Variants in ARHGEF12 observed in about 807,000 individuals in gnomAD.
ARHGEF12 encodes the protein Rho guanine nucleotide exchange factor 12, also known as KMT2A/ARHGEF12 fusion protein.
In ARHGEF12, 66 loss-of-function variants were observed where a neutral mutation model predicts 211.2. That is an observed-to-expected ratio of 0.31 (90% CI 0.26 to 0.38). ARHGEF12 has a LOEUF of 0.38. Ranked by LOEUF, ARHGEF12 falls within the 10% of genes least tolerant of loss-of-function variation. The pLI is 1.00. For missense variants in ARHGEF12, 1,429 were observed against 1,869.5 expected (o/e 0.76, Z 4.34); for synonymous variants, 592 against 638.4 (o/e 0.93, Z 1.09).
At chr11:120,459,760 G>A (rs11217877) in intron 26 of ARHGEF12, among the ~76,000 whole-genome samples, 1,972 of 152,202 alleles carry the variant, frequency 0.013, 51 homozygotes, top group African/African-American at 0.045. Flanking sequence ...CCAAGCTGGA[G>A]TGCAGTGGTG....
intron 34 of ARHGEF12, 26 bp downstream of exon 34, chr11:120,476,774 C>CTA: frequency 6.6e-7 from 1 of 1,520,422 alleles, no homozygotes; most frequent in Non-Finnish European, 9.0e-7. Context: ...GGCTACCTTG[C>CTA]TATAGCTAAT....
At chr11:120,397,728 G>T (rs943094092) in intron 1 of ARHGEF12, among the ~76,000 whole-genome samples, 3 of 152,178 alleles carry the variant, frequency 2.0e-5, no homozygotes, top group Non-Finnish European at 4.4e-5. Context: ...CGCTCTGTGA[G>T]GGACCTCTTT....
In ARHGEF12 at chr11:120,477,209, C is replaced by A; in HGVS notation, c.3366-10C>A. ...TTTTGTATTTTGGATTTCTTTCCAA[C>A]TTTCTGAAGCTGGCAGGACCTAATC... On this transcript the variant is annotated splice_polypyrimidine_tract_variant and intron_variant, in intron 34 of 40. Transcript: ENST00000397843. 6.2e-7 allele frequency: 1 copy of A among 1,613,024 alleles called. No individual in the cohort carries two copies. The highest frequency in any genetic ancestry group is 8.5e-7 in the Non-Finnish European group (1 of 1,179,608).
chr11:120,484,575 A>T, intron 40 of ARHGEF12, 68 bp downstream of exon 40: 1 of 1,365,402 alleles, frequency 7.3e-7, no homozygotes, highest in Non-Finnish European at 1.0e-6. Context: ...GACTTATCAT[A>T]CTTTGAAGTG....
intron 16 of ARHGEF12, 55 bp downstream of exon 16, chr11:120,445,519 C>A: frequency 6.5e-7 from 1 of 1,543,440 alleles, no homozygotes; most frequent in Non-Finnish European, 9.0e-7. Flanking sequence ...ATATGTAGCT[C>A]AGCTCATCTG....
chr11:120,488,479 T>A lies in ARHGEF12; in HGVS notation c.*3402T>A, dbSNP rs1947455355. 4.6e-6 allele frequency: 1 copy of A among 216,520 alleles called. No homozygotes were observed. Among genetic ancestry groups the A allele is most frequent in the Non-Finnish European group, 9.3e-6 (1 of 107,718 alleles). The allele number at this position is 216,520 out of a possible 1,614,324, so 13.4% of individuals were successfully genotyped here. ...TTTTTCCTGATATTTCCACCACTTT[T>A]CAGAGTCATCTACAAAATTTTTCTT... On this transcript the variant is annotated 3_prime_UTR_variant, in exon 41 of 41. Coordinates refer to ENST00000397843, the MANE Select transcript of ARHGEF12 (RefSeq NM_015313.3).
intron 21 of ARHGEF12, 60 bp from the exon 22 acceptor site, chr11:120,451,452 T>C (rs571808272): frequency 6.5e-5 from 101 of 1,548,778 alleles, no homozygotes; most frequent in South Asian, 2.6e-4. Flanking sequence ...GTTGGGATTA[T>C]AGGCTTGAGC....
intron 13 of ARHGEF12, among the ~76,000 whole-genome samples, chr11:120,441,336 A>C (rs1328662874): frequency 3.3e-5 from 5 of 152,180 alleles, no homozygotes; most frequent in African/African-American, 1.2e-4. Flanking sequence ...CCATTTCTGC[A>C]ATTAGCCCAG....
intron 37 of ARHGEF12, 142 bp downstream of exon 37, chr11:120,478,531 G>A: frequency 1.3e-6 from 1 of 791,118 alleles, no homozygotes; most frequent in Non-Finnish European, 2.0e-6. Flanking sequence ...AGTGGCCCAT[G>A]CCACAGGCAC....
At chr11:120,453,489 G>A (rs1946271670) in intron 22 of ARHGEF12, among the ~76,000 whole-genome samples, 1 of 152,186 alleles carries the variant, frequency 6.6e-6, no homozygotes, top group African/African-American at 2.4e-5. Context: ...GGAGGCTGAG[G>A]CAGGAGGATT....
At position 120,432,031 on chromosome 11, in the gene ARHGEF12, T is replaced by G. The variant is rs950912386; in HGVS notation, c.924+120T>G. 4 of 883,698 alleles carry G rather than the reference T, an allele frequency of 4.5e-6. No homozygotes were observed. The African/African-American group carries it at 6.8e-5, about 15-fold the overall frequency. The allele number at this position is 883,698 out of a possible 1,614,324, so 54.7% of individuals were successfully genotyped here. Reference sequence around the variant, plus strand: ...TTAGCACTTTTTACCATCCCCATTTTTAATGTACCAATTTGATAAACAGAA... The same window carrying G: ...TTAGCACTTTTTACCATCCCCATTTGTAATGTACCAATTTGATAAACAGAA... On this transcript the variant is annotated intron_variant, in intron 11 of 40. Transcript: ENST00000397843.
intron 1 of ARHGEF12, among the ~76,000 whole-genome samples, chr11:120,373,761 A>G (rs937412146): frequency 3.3e-5 from 5 of 152,086 alleles, no homozygotes; most frequent in African/African-American, 9.7e-5. Context: ...AATGGTGGCA[A>G]TTTAAGAAAC....
At position 120,487,333 on chromosome 11, in the gene ARHGEF12, A is replaced by G. The variant is rs557378312; in HGVS notation, c.*2256A>G. ...GGAAAAATACTTTGACCATAGCTCT[A>G]GTACTTCCAAATAAATTCATATCTA... On this transcript the variant is annotated 3_prime_UTR_variant, in exon 41 of 41. Transcript: ENST00000397843. 1.4e-5 allele frequency: 3 copies of G among 219,326 alleles called. No homozygotes were observed. Among genetic ancestry groups the G allele is most frequent in the Admixed American group, 5.8e-5 (1 of 17,278 alleles). 13.6% of individuals were successfully genotyped at this position (219,326 alleles called of 1,614,324 possible). A position where few individuals can be genotyped will look rare whatever the true frequency, so the allele number is the denominator to read the frequency against.
rs1028561951 is a variant in ARHGEF12 at position 120,475,570 on chromosome 11, G to A, written c.3277+63G>A. The A allele has an allele frequency of 4.4e-5, 67 of 1,531,848 alleles. No homozygotes were observed. In the African/African-American group the frequency reaches 7.9e-4, roughly 18 times the overall value. 94.9% of individuals were successfully genotyped at this position (1,531,848 alleles called of 1,614,324 possible). ...CATTGTGAAGTTGCATAAGATACTC[G>A]GTGCTGTCTCAATAACACAAGTGGC... On this transcript the variant is annotated intron_variant, in intron 33 of 40. Transcript: ENST00000397843.
rs1462306523 is a variant in ARHGEF12, at chr11:120,458,146, A to G, written c.2292A>G (p.Thr764=). 6.2e-7 allele frequency: 1 copy of G among 1,611,288 alleles called. No homozygotes were observed. The highest frequency in any genetic ancestry group is 1.3e-5 in the African/African-American group (1 of 74,760). ...EDEQFENDLE[T]DPPNWQQLVS... Reference sequence around the variant, plus strand: ...AACAATTTGAAAATGACTTAGAGACAGATCCACCCAACTGGCAGCAGCTTG... The same window carrying G: ...AACAATTTGAAAATGACTTAGAGACGGATCCACCCAACTGGCAGCAGCTTG... The change falls in exon 25 of 41, where the codon ACA becomes ACG. Residue 764 remains threonine (T), a synonymous_variant. Coordinates refer to ENST00000397843, the MANE Select transcript of ARHGEF12 (RefSeq NM_015313.3).
At chr11:120,411,478 A>G (rs2135597353) in intron 4 of ARHGEF12, 1 of 152,026 alleles carries the variant, frequency 6.6e-6, no homozygotes, top group East Asian at 1.9e-4. Flanking sequence ...GCCCACTTCA[A>G]ACTTTAGAGA....
chr11:120,351,757 C>T (rs1028991736), intron 1 of ARHGEF12, among the ~76,000 whole-genome samples: 23 of 152,144 alleles, frequency 1.5e-4, no homozygotes, highest in African/African-American at 5.3e-4. Flanking sequence ...AGGCATGAGC[C>T]ACTGCGCCCG....
At chr11:120,347,163 C>G (rs372012377) in intron 1 of ARHGEF12, among the ~76,000 whole-genome samples, 3 of 70,114 alleles carry the variant, frequency 4.3e-5, no homozygotes, top group Non-Finnish European at 5.8e-5. Flanking sequence ...TTCCTTCCTT[C>G]CTTCCTTCCT....
chr11:120,367,030 A>G (rs1387769890), intron 1 of ARHGEF12, among the ~76,000 whole-genome samples: 3 of 151,892 alleles, frequency 2.0e-5, no homozygotes, highest in Admixed American at 6.6e-5. Context: ...AAAAAAAGAA[A>G]TTTAATAAGT....
Sources: gnomAD v4.1 joint callset for allele counts (sites outside exome capture counted in the v4.1 genomes callset) on GRCh38, gnomAD v4.1.1 for gene constraint, MANE v1.5 for transcripts, NCBI Gene and HGNC (gene_info 2026-07-23, HGNC 2026-07-21) for gene names.